The following RAD51B variants were observed in gnomAD, a reference collection of about 807,000 sequenced individuals.
RAD51B encodes the protein DNA repair protein RAD51 homolog 2.
RAD51B carries 38 observed loss-of-function variants against 42.2 expected under a neutral mutation model. That is an observed-to-expected ratio of 0.90 (90% CI 0.70 to 1.18). The LOEUF is 1.18. RAD51B is among the 50% of genes most tolerant of loss of function. The pLI is 0.00. For missense variants in RAD51B, 373 were observed against 400.7 expected (o/e 0.93, Z 0.59); for synonymous variants, 154 against 145.2 (o/e 1.06, Z -0.43).
chr14:68,174,435 A>T (rs1419384382), intron 7 of RAD51B, among the ~76,000 whole-genome samples: 1 of 152,166 alleles, frequency 6.6e-6, no homozygotes. Flanking sequence ...GAACAACATC[A>T]TTTTGACTAA....
At chr14:68,033,893 T>C (rs1427960927) in intron 7 of RAD51B, among the ~76,000 whole-genome samples, 1 of 152,220 alleles carries the variant, frequency 6.6e-6, no homozygotes, top group Non-Finnish European at 1.5e-5. Flanking sequence ...AGTTTATTTG[T>C]GACAGATGAT....
chr14:68,379,238 T>C (rs2139980058), intron 8 of RAD51B, among the ~76,000 whole-genome samples: 1 of 152,204 alleles, frequency 6.6e-6, no homozygotes, highest in East Asian at 1.9e-4. Context: ...ATTGGATGAT[T>C]GAGTGAATGA....
At chr14:67,980,096 C>A (rs1183100427) in intron 7 of RAD51B, among the ~76,000 whole-genome samples, 1 of 151,868 alleles carries the variant, frequency 6.6e-6, no homozygotes, top group Admixed American at 6.6e-5. Flanking sequence ...AATAAAAATT[C>A]CTTAATTTTA....
At chr14:68,505,843 G>A (rs1007286721) in intron 10 of RAD51B, among the ~76,000 whole-genome samples, 2 of 152,186 alleles carry the variant, frequency 1.3e-5, no homozygotes, top group African/African-American at 2.4e-5. Flanking sequence ...GTGAGCGACC[G>A]CGCCCAGCCA....
At chr14:68,191,840 G>A (rs1211651444) in intron 7 of RAD51B, among the ~76,000 whole-genome samples, 1 of 152,150 alleles carries the variant, frequency 6.6e-6, no homozygotes, top group East Asian at 1.9e-4. Flanking sequence ...CTTGCCCATG[G>A]CAGGCAGTAA....
intron 7 of RAD51B, among the ~76,000 whole-genome samples, chr14:68,076,190 A>T (rs2076831107): frequency 6.6e-6 from 1 of 152,202 alleles, no homozygotes; most frequent in Non-Finnish European, 1.5e-5. Flanking sequence ...TCAGTTTCCT[A>T]ACTGGGATGA....
chr14:68,531,008 T>A (rs1230466317), intron 10 of RAD51B, among the ~76,000 whole-genome samples: 2 of 152,000 alleles, frequency 1.3e-5, no homozygotes, highest in African/African-American at 4.8e-5. Context: ...TATTGAAAAT[T>A]TCAGACTTTG....
In RAD51B at chr14:67,837,695, G is replaced by A. The variant is rs117576200; in HGVS notation, c.315+2499G>A. Among the ~76,000 whole-genome samples, 260 of 151,886 alleles carry A rather than the reference G, an allele frequency of 1.7e-3. 1 individual carries two copies. The highest frequency in any genetic ancestry group is 3.4e-3 in the Middle Eastern group (1 of 294). On this transcript the variant is annotated intron_variant, in intron 4 of 10. Coordinates refer to ENST00000471583, the MANE Select transcript of RAD51B (RefSeq NM_133510.4). ...ATACAATAATTGTATATATTTATGG[G>A]GTACAGTGTGATATTCTGATATGTG...
intron 11 of RAD51B, among the ~76,000 whole-genome samples, chr14:68,656,232 C>G (rs1158097318): frequency 6.6e-6 from 1 of 152,198 alleles, no homozygotes; most frequent in Non-Finnish European, 1.5e-5. Context: ...CAGCCTCCTC[C>G]TCTGCTGCCA....
At chr14:68,004,865 C>CT (rs547592961) in intron 7 of RAD51B, among the ~76,000 whole-genome samples, 11 of 150,124 alleles carry the variant, frequency 7.3e-5, no homozygotes, top group East Asian at 2.0e-4. Context: ...ATACAGAATG[C>CT]TTTTTTTTTG....
chr14:68,598,631 A>C (rs1891097557), downstream of RAD51B, among the ~76,000 whole-genome samples: 1 of 152,114 alleles, frequency 6.6e-6, no homozygotes, highest in African/African-American at 2.4e-5. Context: ...GGGCCCCTTC[A>C]AGTCAGATGA....
chr14:67,913,745 A>C (rs1160873110), intron 7 of RAD51B, among the ~76,000 whole-genome samples: 2 of 152,158 alleles, frequency 1.3e-5, no homozygotes, highest in Non-Finnish European at 2.9e-5. Flanking sequence ...TAATCACATC[A>C]AGGTAAGTAG....
chr14:68,308,902 C>G (rs772544122), intron 8 of RAD51B, among the ~76,000 whole-genome samples: 1 of 152,092 alleles, frequency 6.6e-6, no homozygotes, highest in Non-Finnish European at 1.5e-5. Context: ...ACCAAATGTA[C>G]TTTCTATTGG....
intron 9 of RAD51B, among the ~76,000 whole-genome samples, chr14:68,464,194 T>C (rs2085917736): frequency 6.6e-6 from 1 of 152,218 alleles, no homozygotes; most frequent in Non-Finnish European, 1.5e-5. Flanking sequence ...CCTCTTTCTC[T>C]AAATTTTTTG....
intron 7 of RAD51B, among the ~76,000 whole-genome samples, chr14:68,095,993 A>AG (rs1157488785): frequency 6.6e-6 from 1 of 150,662 alleles, no homozygotes; most frequent in East Asian, 1.9e-4. Context: ...AAAAAAAAAA[A>AG]AAAGAAACAG....
intron 9 of RAD51B, among the ~76,000 whole-genome samples, chr14:68,440,189 C>G (rs1224999224): frequency 6.6e-6 from 1 of 152,230 alleles, no homozygotes; most frequent in Non-Finnish European, 1.5e-5. Flanking sequence ...GCTGCTCTTA[C>G]TGACTTAATG....
At chr14:67,968,556 C>T (rs1177654058) in intron 7 of RAD51B, among the ~76,000 whole-genome samples, 1 of 152,188 alleles carries the variant, frequency 6.6e-6, no homozygotes, top group African/African-American at 2.4e-5. Context: ...CCACAAATCT[C>T]AAGGGCAGGG....
chr14:68,334,357 A>C (rs2082405264), intron 8 of RAD51B, among the ~76,000 whole-genome samples: 1 of 152,218 alleles, frequency 6.6e-6, no homozygotes, highest in African/African-American at 2.4e-5. Flanking sequence ...TAAGAAAATC[A>C]TAAGGAAGAG....
At chr14:68,048,739 A>C (rs960683825) in intron 7 of RAD51B, among the ~76,000 whole-genome samples, 1 of 152,214 alleles carries the variant, frequency 6.6e-6, no homozygotes, top group Non-Finnish European at 1.5e-5. Flanking sequence ...GAGAAATAGG[A>C]ACACTTTTAC....
Sources: gnomAD v4.1 joint callset for allele counts (sites outside exome capture counted in the v4.1 genomes callset) on GRCh38, gnomAD v4.1.1 for gene constraint, MANE v1.5 for transcripts, NCBI Gene and HGNC (gene_info 2026-07-23, HGNC 2026-07-21) for gene names.